The following MRGPRX1 variants were observed in gnomAD, a reference collection of about 807,000 sequenced individuals.
MRGPRX1 encodes mas-related G protein-coupled receptor member X1.
For missense variants in MRGPRX1, 411 were observed against 393.8 expected (o/e 1.04, Z -0.37); for synonymous variants, 208 against 170.4 (o/e 1.22, Z -1.72).
Position 18,937,974 on chromosome 11 carries a change from A to C in MRGPRX1, c.-26+1306T>G, listed in dbSNP as rs762627607. ...AGAGACTGTCCCAGGAATTAGGAGG[A>C]TATAAGAAGGAGAGAGGGATAGTCT... On this transcript the variant is annotated intron_variant, in intron 1 of 1. Coordinates refer to ENST00000526914, the MANE Select transcript of MRGPRX1 (RefSeq NM_001393578.1). Among the ~76,000 whole-genome samples the C allele has an allele frequency of 2.1e-4, 32 of 151,440 alleles. 2 individuals are homozygous for C. The highest frequency in any genetic ancestry group is 9.9e-4 in the Admixed American group (15 of 15,100).
At chr11:18,939,043 T>C (rs1848862052) in intron 1 of MRGPRX1, among the ~76,000 whole-genome samples, 1 of 151,404 alleles carries the variant, frequency 6.6e-6, no homozygotes, top group Non-Finnish European at 1.5e-5. Context: ...AGAGGACAGG[T>C]TCAGTGATTG....
rs201456939 is a variant in MRGPRX1 at position 18,933,933 on chromosome 11, C to A, written c.852G>T (p.Arg284Ser). 37 of 1,610,806 alleles carry A rather than the reference C, an allele frequency of 2.3e-5. No homozygotes were observed. Among genetic ancestry groups the A allele is most frequent in the Non-Finnish European group, 1.7e-6 (2 of 1,178,248 alleles). ...TCTGGAGAACCAGCTTCAGGTTCTG[C>A]CTATTTTGACGCTGCCTAAAGGAGC... is the stretch of plus-strand genomic sequence containing the variant. ...FVGSFRQRQN[R>S]QNLKLVLQRA... The change falls in exon 2 of 2, where the codon AGG (arginine) becomes AGT (serine). Residue 284 changes from arginine (R) to serine (S), a missense_variant. Physicochemically the swap from Arg to Ser is moderately radical, Grantham distance 110. Coordinates refer to ENST00000526914, the MANE Select transcript of MRGPRX1 (RefSeq NM_001393578.1).
In MRGPRX1 at chr11:18,934,134, G is replaced by A; in HGVS notation, c.651C>T (p.Thr217=). The part of the protein sequence containing the change: ...RKIPLTRLYV[T]ILLTVLVFLL... ...GGAAGACCAGTACTGTGAGCAGGAT[G>A]GTCACGTACAGCCTGGTCAGCGGTA... The change falls in exon 2 of 2, where the codon ACC becomes ACT. Residue 217 remains threonine (T), a synonymous_variant. Transcript: ENST00000526914. 2 of 1,610,938 alleles carry A rather than the reference G, an allele frequency of 1.2e-6. No homozygotes were observed. Among genetic ancestry groups the A allele is most frequent in the Non-Finnish European group, 8.5e-7 (1 of 1,178,256 alleles).
intron 1 of MRGPRX1, among the ~76,000 whole-genome samples, chr11:18,937,221 C>T (rs1848847925): frequency 6.6e-6 from 1 of 151,210 alleles, no homozygotes; most frequent in Non-Finnish European, 1.5e-5. Context: ...TTTTTTCCAT[C>T]ATGCTGAAAT....
intron 1 of MRGPRX1, among the ~76,000 whole-genome samples, chr11:18,935,577 C>A (rs568843083): frequency 1.3e-5 from 2 of 151,560 alleles, no homozygotes; most frequent in African/African-American, 4.8e-5. Flanking sequence ...TGATGAGTGC[C>A]CAAAACCTGA....
Position 18,934,019 on chromosome 11 carries a change from C to G in MRGPRX1, c.766G>C (p.Val256Leu). ...REVLFCHVHL[V>L]SIFLSALNSS... ...TTAAGAGCGGACAGGAAAATAGAAA[C>G]TAGATGAACATGACAAAATAAGACT... is the stretch of plus-strand genomic sequence containing the variant. Residue 256 changes from valine to leucine, a missense_variant, in exon 2 of 2, where the codon GTT becomes CTT. Coordinates refer to ENST00000526914, the MANE Select transcript of MRGPRX1 (RefSeq NM_001393578.1). 1 of 1,610,894 alleles carries G rather than the reference C, an allele frequency of 6.2e-7. No individual in the cohort carries two copies. Among genetic ancestry groups the G allele is most frequent in the Non-Finnish European group, 8.5e-7 (1 of 1,178,228 alleles).
Position 18,935,146 on chromosome 11 carries a change from T to C in MRGPRX1, c.-25-337A>G, listed in dbSNP as rs185122943. On this transcript the variant is annotated intron_variant, in intron 1 of 1. Coordinates refer to ENST00000526914, the MANE Select transcript of MRGPRX1 (RefSeq NM_001393578.1). ...TCTCTCAGGGGGAGGAATTCAGGTA[T>C]GCAAAGAGGTGGTTGTGACACCCTC... 6.6e-4 allele frequency: 138 copies of C among 208,452 alleles called. 5 individuals carry two copies. Among genetic ancestry groups the C allele is most frequent in the African/African-American group, 3.0e-3 (130 of 43,594 alleles). The allele number at this position is 208,452 out of a possible 1,614,324, so 12.9% of individuals were successfully genotyped here.
chr11:18,938,442 A>G (rs1043867262), intron 1 of MRGPRX1, among the ~76,000 whole-genome samples: 8 of 151,490 alleles, frequency 5.3e-5, no homozygotes, highest in Non-Finnish European at 1.0e-4. Context: ...AAACAACTAG[A>G]TTGCATGAGA....
intron 1 of MRGPRX1, among the ~76,000 whole-genome samples, chr11:18,937,425 C>T (rs1453816605): frequency 6.6e-6 from 1 of 151,414 alleles, no homozygotes; most frequent in African/African-American, 2.4e-5. Context: ...CCAGCACACA[C>T]CAAAATCTGC....
Position 18,933,892 on chromosome 11 carries a change from G to T in MRGPRX1, c.893C>A (p.Ala298Glu), listed in dbSNP as rs183845903. The change falls in exon 2 of 2, where the codon GCG (alanine) becomes GAG (glutamate). Residue 298 changes from alanine to glutamate, a missense_variant. Ala to Glu is a moderately radical substitution (Grantham distance 107). Coordinates refer to ENST00000526914, the MANE Select transcript of MRGPRX1 (RefSeq NM_001393578.1). ...CCCTCCACCTTCATCCACCTCAGAC[G>T]CGTCCTGCAGAGCCCTCTGGAGAAC... ...KLVLQRALQD[A>E]SEVDEGGGQL... 1 of 1,610,730 alleles carries T rather than the reference G, an allele frequency of 6.2e-7. No homozygotes were observed. Among genetic ancestry groups the T allele is most frequent in the African/African-American group, 1.3e-5 (1 of 74,702 alleles).
chr11:18,936,749 C>T (rs917413494), intron 1 of MRGPRX1, among the ~76,000 whole-genome samples: 3 of 151,448 alleles, frequency 2.0e-5, no homozygotes, highest in Non-Finnish European at 4.4e-5. Context: ...GTATCACCAA[C>T]ATTTAGCATG....
At position 18,934,288 on chromosome 11, in the gene MRGPRX1, C is replaced by T. The variant is rs781030152; in HGVS notation, c.497G>A (p.Ser166Asn). 7 of 1,610,588 alleles carry T rather than the reference C, an allele frequency of 4.3e-6. No individual in the cohort carries two copies. Among genetic ancestry groups the T allele is most frequent in the Admixed American group, 1.7e-5 (1 of 59,372 alleles). ...TTGACACCAAGCAGAATCAGCACCACTGAACAGGAAGCCACATAACATCCA... is the reference window on the plus strand; with the variant it reads ...TTGACACCAAGCAGAATCAGCACCATTGAACAGGAAGCCACATAACATCCA... ...LEWMLCGFLFSGADSAWCQTS... is the reference protein window; with the variant it reads ...LEWMLCGFLFNGADSAWCQTS... Residue 166 changes from serine to asparagine, a missense_variant, in exon 2 of 2, where the codon AGT becomes AAT. Ser to Asn is a conservative substitution (Grantham distance 46, BLOSUM62 1). Coordinates refer to ENST00000526914, the MANE Select transcript of MRGPRX1 (RefSeq NM_001393578.1).
chr11:18,938,469 G>A (rs1252681731), intron 1 of MRGPRX1, among the ~76,000 whole-genome samples: 4 of 151,346 alleles, frequency 2.6e-5, no homozygotes, highest in Admixed American at 2.0e-4. Context: ...TATCACTAAG[G>A]CAATACCGAA....
At chr11:18,938,152 A>G (rs1003505118) in intron 1 of MRGPRX1, among the ~76,000 whole-genome samples, 3 of 151,610 alleles carry the variant, frequency 2.0e-5, no homozygotes, top group African/African-American at 7.3e-5. Flanking sequence ...ACTGGAAGAC[A>G]GCAGGAGAGC....
At chr11:18,938,449 G>A (rs1297868843) in intron 1 of MRGPRX1, among the ~76,000 whole-genome samples, 3 of 151,506 alleles carry the variant, frequency 2.0e-5, no homozygotes, top group African/African-American at 4.8e-5. Context: ...TAGATTGCAT[G>A]AGAACTCACT....
In MRGPRX1 at chr11:18,933,627, T is replaced by G. The variant is rs941090660; in HGVS notation, c.*189A>C. On this transcript the variant is annotated 3_prime_UTR_variant, in exon 2 of 2. Coordinates refer to ENST00000526914, the MANE Select transcript of MRGPRX1 (RefSeq NM_001393578.1). ...AATATCAAGGAGAATCTAAACATTG[T>G]ACTGTCAGACTAATGCTTTCCATGG... Among the ~76,000 whole-genome samples the G allele has an allele frequency of 2.6e-5, 4 of 151,578 alleles. No homozygotes were observed. Among genetic ancestry groups the G allele is most frequent in the African/African-American group, 9.7e-5 (4 of 41,324 alleles).
At chr11:18,935,065 A>G in intron 1 of MRGPRX1, 2 of 370,188 alleles carry the variant, frequency 5.4e-6, no homozygotes, top group Non-Finnish European at 9.8e-6. Flanking sequence ...AAACACCCCC[A>G]CTCATCTAGC....
In MRGPRX1 at chr11:18,934,405, G is replaced by A; in HGVS notation, c.380C>T (p.Pro127Leu). 2.5e-6 allele frequency: 4 copies of A among 1,610,834 alleles called. No individual in the cohort carries two copies. Among genetic ancestry groups the A allele is most frequent in the Non-Finnish European group, 3.4e-6 (4 of 1,178,174 alleles). ...STERCLSVLW[P>L]IWYRCHRPTH... ...GGGGCGGTGGCAGCGGTACCAGATG[G>A]GCCACAGGACGGACAGGCAGCGCTC... Residue 127 changes from proline (P) to leucine (L), a missense_variant, in exon 2 of 2, where the codon CCC becomes CTC. Physicochemically the swap from Pro to Leu is moderately conservative, Grantham distance 98. Transcript: ENST00000526914.
Position 18,934,453 on chromosome 11 carries a change from C to G in MRGPRX1, c.332G>C (p.Ser111Thr). Residue 111 changes from serine to threonine, a missense_variant, in exon 2 of 2, where the codon AGC (serine) becomes ACC (threonine). By Grantham distance (58) the Ser-to-Thr change is moderately conservative (BLOSUM62 1). Transcript: ENST00000526914. ...VMMFSYFAGL[S>T]FLSAVSTERC... ...CTCGGTGCTCACGGCACTCAGAAAG[C>G]TCAGGCCTGCAAAGTAGGAAAACAT... 6 of 1,610,608 alleles carry G rather than the reference C, an allele frequency of 3.7e-6. No individual in the cohort carries two copies. The highest frequency in any genetic ancestry group is 5.1e-6 in the Non-Finnish European group (6 of 1,178,080).
Sources: allele counts gnomAD v4.1 joint callset (sites outside exome capture counted in the v4.1 genomes callset), GRCh38; gene constraint gnomAD v4.1.1; transcripts MANE v1.5; gene names NCBI Gene and HGNC (gene_info 2026-07-23, HGNC 2026-07-21).